Variants in CDC25C observed in about 807,000 individuals in gnomAD.
CDC25C encodes M-phase inducer phosphatase 3.
A neutral mutation model predicts 52.5 loss-of-function variants in CDC25C; 48 were observed. That is an observed-to-expected ratio of 0.91 (90% CI 0.72 to 1.16). The LOEUF (loss-of-function observed/expected upper bound fraction) is 1.16, where lower values mean the gene tolerates loss of function less well. CDC25C is among the 50% of genes most tolerant of loss of function. The pLI, the probability that CDC25C is intolerant of heterozygous loss-of-function variation, is 0.00. For synonymous variants in CDC25C, 187 were observed against 206.5 expected, an observed-to-expected ratio of 0.91 and a Z score of 0.81; for missense variants, 510 against 566.1, an observed-to-expected ratio of 0.90 and a Z score of 1.01.
At chr5:138,315,534 G>C (rs1184953534) in intron 7 of CDC25C, among the ~76,000 whole-genome samples, 2 of 151,912 alleles carry the variant, frequency 1.3e-5, no homozygotes, top group South Asian at 4.1e-4. Flanking sequence ...AATGATTTAC[G>C]TATATATTAC....
At chr5:138,334,154 G>C (rs900802185), upstream of CDC25C, among the ~76,000 whole-genome samples, 1 of 151,894 alleles carries the variant, frequency 6.6e-6, no homozygotes, top group Admixed American at 6.6e-5. Flanking sequence ...GGCTGTTCTG[G>C]AACTCCTGAC....
At chr5:138,331,454 T>C (rs1760379396) in intron 1 of CDC25C, 141 bp downstream of exon 1, 1 of 654,000 alleles carries the variant, frequency 1.5e-6, no homozygotes, top group South Asian at 2.5e-5. Flanking sequence ...TCGAGACTCC[T>C]GACTAGAAAG....
chr5:138,320,700 G>C (rs141136917), intron 6 of CDC25C, among the ~76,000 whole-genome samples: 1,942 of 151,648 alleles, frequency 0.013, 42 homozygotes, highest in African/African-American at 0.044. Flanking sequence ...GATCACATGA[G>C]GCCAGGAGTT....
intron 7 of CDC25C, among the ~76,000 whole-genome samples, chr5:138,305,984 GCA>G (rs1757975917): frequency 6.6e-6 from 1 of 152,188 alleles, no homozygotes; most frequent in Admixed American, 6.5e-5. Flanking sequence ...TCCATGAGCA[GCA>G]CAGTCTATCT....
chr5:138,294,024 A>G (rs1335198685), intron 7 of CDC25C, among the ~76,000 whole-genome samples: 1 of 125,976 alleles, frequency 7.9e-6, no homozygotes, highest in Non-Finnish European at 1.6e-5. Flanking sequence ...TTTTCTTTGG[A>G]TTTTTTTTTT....
intron 2 of CDC25C, 79 bp from the exon 3 acceptor site, chr5:138,329,726 CTTTTTTTTT>C (rs71574413): frequency 1.0e-4 from 30 of 293,670 alleles, no homozygotes; most frequent in South Asian, 1.2e-4. Context: ...TCATCCTCTT[CTTTTTTTTT>C]TTTTTTTTTT....
intron 7 of CDC25C, among the ~76,000 whole-genome samples, chr5:138,311,935 G>C (rs1201571922): frequency 6.6e-6 from 1 of 152,076 alleles, no homozygotes; most frequent in East Asian, 1.9e-4. Flanking sequence ...AAATGGCCAG[G>C]AAGCATATGA....
At chr5:138,289,655 C>A in intron 9 of CDC25C, 92 bp from the exon 10 acceptor site, 1 of 1,001,448 alleles carries the variant, frequency 1.0e-6, no homozygotes, top group Non-Finnish European at 1.6e-6. Context: ...TCCAAGTGAC[C>A]CTTAAAACCC....
intron 7 of CDC25C, among the ~76,000 whole-genome samples, chr5:138,295,634 A>AT (rs1359453302): frequency 1.3e-5 from 2 of 151,946 alleles, no homozygotes; most frequent in Non-Finnish European, 2.9e-5. Context: ...AAAAAAAAAA[A>AT]GGAAAGAGCA....
chr5:138,293,873 C>T (rs1319835642), intron 7 of CDC25C, among the ~76,000 whole-genome samples: 1 of 151,964 alleles, frequency 6.6e-6, no homozygotes, highest in Non-Finnish European at 1.5e-5. Flanking sequence ...TCTCGAACTC[C>T]CGGGCTTAAG....
At chr5:138,292,495 A>C (rs565779317) in intron 7 of CDC25C, among the ~76,000 whole-genome samples, 8 of 151,806 alleles carry the variant, frequency 5.3e-5, no homozygotes, top group African/African-American at 1.4e-4. Flanking sequence ...AAAAAAAAAA[A>C]AAAAAAAACA....
At chr5:138,332,326 G>C (rs1249617676), upstream of CDC25C, 4 of 152,304 alleles carry the variant, frequency 2.6e-5, no homozygotes, top group East Asian at 7.7e-4. Flanking sequence ...TGCTGCCGGC[G>C]TGGCAAGTGT....
At chr5:138,309,607 T>TAA (rs1758290819) in intron 7 of CDC25C, among the ~76,000 whole-genome samples, 1 of 150,076 alleles carries the variant, frequency 6.7e-6, no homozygotes, top group East Asian at 2.0e-4. Context: ...GAAAACAAAA[T>TAA]AAAAAAATAA....
intron 7 of CDC25C, among the ~76,000 whole-genome samples, chr5:138,306,568 C>T (rs1046713580): frequency 2.6e-5 from 4 of 151,996 alleles, no homozygotes; most frequent in African/African-American, 4.8e-5. Flanking sequence ...CTCCACCTCC[C>T]GGGTTCAAGC....
At chr5:138,331,298 C>T in intron 1 of CDC25C, 80 bp from the exon 2 acceptor site, 3 of 988,354 alleles carry the variant, frequency 3.0e-6, no homozygotes, top group Non-Finnish European at 4.6e-6. Context: ...TCCAGCCAGG[C>T]GAATCAACAC....
At chr5:138,323,957 C>CAAAA (rs774091050) in intron 6 of CDC25C, among the ~76,000 whole-genome samples, 1 of 105,558 alleles carries the variant, frequency 9.5e-6, no homozygotes, top group East Asian at 3.0e-4. Flanking sequence ...GATTCCATCT[C>CAAAA]AAAAAAAAAA....
intron 3 of CDC25C, 54 bp from the exon 4 acceptor site, chr5:138,328,583 T>G (rs367694072): frequency 8.9e-4 from 1,284 of 1,442,272 alleles, no homozygotes; most frequent in Non-Finnish European, 1.1e-3. Flanking sequence ...CCATGCATCC[T>G]GTTTTTCCTT....
At chr5:138,299,386 C>T (rs1030552521) in intron 7 of CDC25C, among the ~76,000 whole-genome samples, 3 of 148,944 alleles carry the variant, frequency 2.0e-5, no homozygotes, top group African/African-American at 7.4e-5. Flanking sequence ...ATCTCAACTA[C>T]TTGGGAGGCT....
At chr5:138,299,811 A>G (rs555688951) in intron 7 of CDC25C, among the ~76,000 whole-genome samples, 2 of 152,034 alleles carry the variant, frequency 1.3e-5, no homozygotes, top group Admixed American at 6.6e-5. Context: ...GAGAATAGAA[A>G]AACAACAGAA....
Sources: gnomAD v4.1 joint callset for allele counts (sites outside exome capture counted in the v4.1 genomes callset) on GRCh38, gnomAD v4.1.1 for gene constraint, MANE v1.5 for transcripts, NCBI Gene and HGNC (gene_info 2026-07-23, HGNC 2026-07-21) for gene names.